The following CNTN5 variants were observed in gnomAD, a reference collection of about 807,000 sequenced individuals.
CNTN5 encodes contactin-5.
CNTN5 carries 77 observed loss-of-function variants against 129.1 expected under a neutral mutation model. The ratio of observed to expected loss-of-function variants is 0.60; its 90% confidence interval spans 0.50 to 0.72. The LOEUF (loss-of-function observed/expected upper bound fraction) is 0.72, where lower values mean the gene tolerates loss of function less well. Among genes scored for constraint, CNTN5 ranks in the 30% least tolerant of loss-of-function variants. The pLI, the probability that CNTN5 is intolerant of heterozygous loss-of-function variation, is 0.00. For missense variants in CNTN5, 1,478 were observed against 1,328.8 expected (o/e 1.11, Z -1.75); for synonymous variants, 509 against 465.6 (o/e 1.09, Z -1.20).
At chr11:99,822,036 C>T (rs951484198) in intron 4 of CNTN5, among the ~76,000 whole-genome samples, 3 of 152,102 alleles carry the variant, frequency 2.0e-5, no homozygotes, top group East Asian at 1.9e-4. Context: ...AAGAGTCTGA[C>T]GTATGGCTTT....
intron 13 of CNTN5, among the ~76,000 whole-genome samples, chr11:100,086,689 A>C (rs1944570919): frequency 6.6e-6 from 1 of 151,628 alleles, no homozygotes; most frequent in African/African-American, 2.4e-5. Context: ...CTTTGTTTTA[A>C]GCAAAAATAA....
At chr11:99,355,959 T>C (rs1342788225) in intron 2 of CNTN5, among the ~76,000 whole-genome samples, 8 of 151,960 alleles carry the variant, frequency 5.3e-5, no homozygotes, top group Non-Finnish European at 1.2e-4. Flanking sequence ...CCCAAGTAGC[T>C]GGGACTACAT....
At chr11:99,462,360 C>CTTTTTTTTTTTTTTTTTTTTTTTTTT (rs72276833) in intron 2 of CNTN5, among the ~76,000 whole-genome samples, 2 of 125,282 alleles carry the variant, frequency 1.6e-5, no homozygotes, top group Non-Finnish European at 3.3e-5. Context: ...CTTTTCTTTT[C>CTTTTTTTTTTTTTTTTTTTTTTTTTT]TTTTTTTTTT....
At chr11:99,979,415 T>C (rs543286191) in intron 8 of CNTN5, among the ~76,000 whole-genome samples, 7 of 152,290 alleles carry the variant, frequency 4.6e-5, no homozygotes, top group African/African-American at 1.7e-4. Context: ...GGGCTGGCAT[T>C]GCAGACAGAG....
chr11:100,074,493 A>G, intron 13 of CNTN5, 199 bp downstream of exon 13: 1 of 490,708 alleles, frequency 2.0e-6, no homozygotes, highest in East Asian at 3.5e-5. Context: ...CTTTGACTCC[A>G]TGGGGTTTTA....
chr11:99,334,495 G>A (rs1011425006), intron 2 of CNTN5, among the ~76,000 whole-genome samples: 1 of 152,070 alleles, frequency 6.6e-6, no homozygotes, highest in African/African-American at 2.4e-5. Flanking sequence ...TAATTATGAT[G>A]TGTCATTTTA....
At chr11:99,979,568 A>G (rs540743823) in intron 8 of CNTN5, among the ~76,000 whole-genome samples, 1 of 152,148 alleles carries the variant, frequency 6.6e-6, no homozygotes, top group Non-Finnish European at 1.5e-5. Context: ...TATGGAGGGG[A>G]GGTAGTTTAC....
intron 1 of CNTN5, among the ~76,000 whole-genome samples, chr11:99,289,036 T>TAA (rs1470372885): frequency 6.6e-6 from 1 of 151,846 alleles, no homozygotes; most frequent in African/African-American, 2.4e-5. Context: ...CACTGTTTAC[T>TAA]ACAGTTTTTT....
At position 99,378,342 on chromosome 11, in the gene CNTN5, C is replaced by T. The variant is rs558407189; in HGVS notation, c.-71+52858C>T. Among the ~76,000 whole-genome samples the T allele has an allele frequency of 2.6e-5, 4 of 152,174 alleles. No homozygotes were observed. The South Asian group carries it at 6.2e-4, about 24-fold the overall frequency. The stretch of plus-strand genomic sequence containing the variant: ...CATCCTACCCACTTTTATTTTTCAT[C>T]AGCTATATTTCTCTAATAATAAGAA... On this transcript the variant is annotated intron_variant, in intron 2 of 24. Coordinates refer to ENST00000524871, the MANE Select transcript of CNTN5 (RefSeq NM_014361.4).
At chr11:99,477,511 A>T (rs2656156) in intron 2 of CNTN5, among the ~76,000 whole-genome samples, 71,330 of 151,488 alleles carry the variant, frequency 0.47, 17,348 homozygotes, top group Middle Eastern at 0.59. Context: ...AATAAAGTTG[A>T]TAAAATTTCA....
At chr11:99,516,382 G>A (rs1947053692) in intron 2 of CNTN5, among the ~76,000 whole-genome samples, 1 of 151,930 alleles carries the variant, frequency 6.6e-6, no homozygotes, top group Non-Finnish European at 1.5e-5. Context: ...CAAATTTCTG[G>A]TAAGAGAAAA....
chr11:99,874,629 G>A (rs957193146), intron 6 of CNTN5, among the ~76,000 whole-genome samples: 1 of 152,092 alleles, frequency 6.6e-6, no homozygotes, highest in Non-Finnish European at 1.5e-5. Flanking sequence ...ACTTTTAAAA[G>A]GAAATACATC....
chr11:99,022,342 A>G (rs1003999725), intron 1 of CNTN5, among the ~76,000 whole-genome samples: 2 of 152,176 alleles, frequency 1.3e-5, no homozygotes, highest in African/African-American at 2.4e-5. Flanking sequence ...ACAGAATTAC[A>G]GAAGTACTTA....
At chr11:99,817,951 C>G (rs1055445958) in intron 3 of CNTN5, among the ~76,000 whole-genome samples, 7 of 152,076 alleles carry the variant, frequency 4.6e-5, no homozygotes, top group Non-Finnish European at 7.4e-5. Context: ...TTGGGCTACA[C>G]ATATCATGCT....
At chr11:99,290,234 A>T (rs1864112608) in intron 1 of CNTN5, among the ~76,000 whole-genome samples, 1 of 152,010 alleles carries the variant, frequency 6.6e-6, no homozygotes, top group East Asian at 1.9e-4. Context: ...CCTTGTTTAA[A>T]AGTAGAAGAT....
chr11:99,972,692 G>A (rs1215918352), intron 8 of CNTN5, among the ~76,000 whole-genome samples: 1 of 152,162 alleles, frequency 6.6e-6, no homozygotes, highest in Admixed American at 6.5e-5. Flanking sequence ...TTCCCTGGGA[G>A]GCCTGAGGAG....
At chr11:99,053,037 T>C (rs2135181796) in intron 1 of CNTN5, among the ~76,000 whole-genome samples, 1 of 151,946 alleles carries the variant, frequency 6.6e-6, no homozygotes, top group East Asian at 1.9e-4. Context: ...CTAATATTCC[T>C]CTATGACCCC....
chr11:99,480,822 T>C (rs912851243), intron 2 of CNTN5, among the ~76,000 whole-genome samples: 1 of 152,158 alleles, frequency 6.6e-6, no homozygotes, highest in Non-Finnish European at 1.5e-5. Context: ...ACCTAACTAA[T>C]GATCAACAGT....
chr11:100,205,696 T>C (rs1948898641), intron 15 of CNTN5, among the ~76,000 whole-genome samples: 1 of 42,968 alleles, frequency 2.3e-5, no homozygotes, highest in Non-Finnish European at 4.6e-5. Flanking sequence ...AAAAATACAG[T>C]ACAGTATAAC....
Sources: allele counts gnomAD v4.1 joint callset (sites outside exome capture counted in the v4.1 genomes callset), GRCh38; gene constraint gnomAD v4.1.1; transcripts MANE v1.5; gene names NCBI Gene and HGNC (gene_info 2026-07-23, HGNC 2026-07-21).